Variants in DEPDC4 observed in about 807,000 individuals in gnomAD.
DEPDC4 encodes the protein DEP domain-containing protein 4.
DEPDC4 carries 52 observed loss-of-function variants against 52.0 expected under a neutral mutation model. The ratio of observed to expected loss-of-function variants is 1.00; its 90% CI spans 0.80 to 1.26. DEPDC4 has a LOEUF of 1.26. Among genes scored for constraint, DEPDC4 ranks in the 50% most tolerant of loss-of-function variants. The pLI is 0.00. For missense variants in DEPDC4, 530 were observed against 546.9 expected (o/e 0.97, Z 0.31); for synonymous variants, 201 against 196.8 (o/e 1.02, Z -0.18).
Position 100,263,778 on chromosome 12 carries a change from G to C in DEPDC4, c.273C>G (p.Phe91Leu), listed in dbSNP as rs771795502. Residue 91 changes from phenylalanine to leucine, a missense_variant, in exon 2 of 10, where the codon TTC (phenylalanine) becomes TTG (leucine). Phe to Leu is a conservative substitution (Grantham distance 22). Coordinates refer to ENST00000550587, the MANE Select transcript of DEPDC4 (RefSeq NM_001364818.2). ...CCACATCGACAGCATCAGAACCAGT[G>C]AAACAGTCTTTGTATGTCTGTAAAT... ...RHHLQTYKDCFTGSDAVDVVL... is the reference protein window; with the variant it reads ...RHHLQTYKDCLTGSDAVDVVL... 2 of 1,614,112 alleles carry C rather than the reference G, an allele frequency of 1.2e-6. No homozygotes were observed. The highest frequency in any genetic ancestry group is 1.7e-6 in the Non-Finnish European group (2 of 1,180,014).
chr12:100,255,905 A>G lies in DEPDC4; in HGVS notation c.878+144T>C, dbSNP rs2096230444. 5.1e-6 allele frequency: 3 copies of G among 589,430 alleles called. No individual in the cohort carries two copies. The Admixed American group carries it at 9.5e-5, about 19-fold the overall frequency. 36.5% of individuals were successfully genotyped at this position (589,430 alleles called of 1,614,324 possible). ...TCATGACCAATGGCTTTATTAGATC[A>G]AATGAGGATTCATAATGATAATTTA... On this transcript the variant is annotated intron_variant, in intron 4 of 9. Coordinates refer to ENST00000550587, the MANE Select transcript of DEPDC4 (RefSeq NM_001364818.2).
At chr12:100,278,493 G>A in the DEPDC4 span, among the ~76,000 whole-genome samples, 1 of 152,090 alleles carries the variant, frequency 6.6e-6, no homozygotes, top group Admixed American at 6.6e-5. Flanking sequence ...TTCTGAAGAT[G>A]TCTTTATTTC....
the DEPDC4 span, among the ~76,000 whole-genome samples, chr12:100,273,363 A>G: frequency 6.6e-6 from 1 of 152,104 alleles, no homozygotes; most frequent in African/African-American, 2.4e-5. Context: ...AACACTGTGC[A>G]TGTATATTCT....
chr12:100,265,295 A>G (rs182700675), intron 1 of DEPDC4, among the ~76,000 whole-genome samples: 2 of 151,868 alleles, frequency 1.3e-5, no homozygotes, highest in East Asian at 1.9e-4. Context: ...CCCTGTCTCA[A>G]TTAGAAACAA....
At position 100,267,044 on chromosome 12, in the gene DEPDC4, A is replaced by G; in HGVS notation, c.33T>C (p.Leu11=). Residue 11 remains leucine, a synonymous_variant, in exon 1 of 10, where the codon CTT becomes CTC. Transcript: ENST00000550587. ...ACCTCGGAGTCAAAAGAACCGCCAT[A>G]AGCTCGCGCGCTGGCTCCTCCCCTG... MVPGEEPARE[L]MAVLLTPRFR... 3 of 1,613,836 alleles carry G rather than the reference A, an allele frequency of 1.9e-6. No homozygotes were observed. Among genetic ancestry groups the G allele is most frequent in the East Asian group, 2.2e-5 (1 of 44,854 alleles).
downstream of DEPDC4, among the ~76,000 whole-genome samples, chr12:100,239,984 G>C (rs971200597): frequency 1.3e-5 from 2 of 151,782 alleles, no homozygotes; most frequent in African/African-American, 4.8e-5. Flanking sequence ...TGACTTCTTA[G>C]TTGAGAACTT....
In DEPDC4 at chr12:100,256,321, A is replaced by G. The variant is rs1435400800; in HGVS notation, c.701-95T>C. On this transcript the variant is annotated intron_variant, in intron 3 of 9. Coordinates refer to ENST00000550587, the MANE Select transcript of DEPDC4 (RefSeq NM_001364818.2). ...ATCGTTCTATTTCTAAATAATACAA[A>G]AGTAAAACTAGTTCAGTAGTAATAT... The G allele has an allele frequency of 4.7e-6, 4 of 852,440 alleles. No individual in the cohort carries two copies. The African/African-American group carries it at 5.1e-5, about 11-fold the overall frequency. 52.8% of individuals were successfully genotyped at this position (852,440 alleles called of 1,614,324 possible). A position where few individuals can be genotyped will look rare whatever the true frequency, so the allele number is the denominator to read the frequency against.
chr12:100,275,280 C>T, the DEPDC4 span, among the ~76,000 whole-genome samples: 12 of 152,112 alleles, frequency 7.9e-5, no homozygotes, highest in Middle Eastern at 3.4e-3. Flanking sequence ...CAGCTCACTG[C>T]GTCCTCAACC....
At chr12:100,235,203 C>T (rs1169793172), downstream of DEPDC4, among the ~76,000 whole-genome samples, 2 of 151,990 alleles carry the variant, frequency 1.3e-5, no homozygotes, top group Non-Finnish European at 2.9e-5. Flanking sequence ...TGCTTAACAA[C>T]TCTGACTTCT....
At chr12:100,250,370 C>T (rs1370738472) in intron 7 of DEPDC4, among the ~76,000 whole-genome samples, 1 of 152,124 alleles carries the variant, frequency 6.6e-6, no homozygotes, top group Non-Finnish European at 1.5e-5. Flanking sequence ...TGTCCACCAC[C>T]ATGCCTGGCT....
At chr12:100,244,095 GTATATATATATATATA>G (rs774444544) in intron 8 of DEPDC4, among the ~76,000 whole-genome samples, 14 of 51,624 alleles carry the variant, frequency 2.7e-4, no homozygotes, top group East Asian at 7.2e-4. Context: ...CTCTCTCTGT[GTATATATATATATATA>G]TATATATATA....
At chr12:100,267,246 G>A (rs1208451493), upstream of DEPDC4, 2 of 667,976 alleles carry the variant, frequency 3.0e-6, no homozygotes, top group Non-Finnish European at 4.8e-6. Flanking sequence ...TTCTAGCTCC[G>A]ACGTTTGCGG....
intron 3 of DEPDC4, among the ~76,000 whole-genome samples, chr12:100,257,973 A>G (rs930993909): frequency 2.3e-4 from 22 of 97,008 alleles, no homozygotes; most frequent in Non-Finnish European, 4.2e-4. Flanking sequence ...TCTAAAATGT[A>G]TTGATAGATA....
At chr12:100,241,872 A>G in intron 9 of DEPDC4, 27 bp from the exon 10 acceptor site, 2 of 1,190,074 alleles carry the variant, frequency 1.7e-6, no homozygotes, top group Non-Finnish European at 1.1e-6. Context: ...AAAACAAAAG[A>G]AAAAGAAAAG....
chr12:100,267,189 C>T (rs147743073), upstream of DEPDC4: 9,836 of 1,180,916 alleles, frequency 8.3e-3, 64 homozygotes, highest in Non-Finnish European at 0.011. Context: ...TCTTTTTCCC[C>T]CTCCCTTACT....
chr12:100,263,770 G>C lies in DEPDC4; in HGVS notation c.281C>G (p.Ser94Cys), dbSNP rs745619875. Reference sequence around the variant, plus strand: ...ACTTAAGACCACATCGACAGCATCAGAACCAGTGAAACAGTCTTTGTATGT... The same window carrying C: ...ACTTAAGACCACATCGACAGCATCACAACCAGTGAAACAGTCTTTGTATGT... ...LQTYKDCFTG[S>C]DAVDVVLSHL... Residue 94 changes from serine (S) to cysteine (C), a missense_variant, in exon 2 of 10, where the codon TCT becomes TGT. Physicochemically the swap from Ser to Cys is moderately radical, Grantham distance 112 (BLOSUM62 -1). Transcript: ENST00000550587. 1 of 1,614,128 alleles carries C rather than the reference G, an allele frequency of 6.2e-7. No individual in the cohort carries two copies. The highest frequency in any genetic ancestry group is 8.5e-7 in the Non-Finnish European group (1 of 1,180,012).
rs150339169 is a variant in DEPDC4, at chr12:100,247,237, C to T, written c.1453+1663G>A. 6.8e-3 allele frequency among the ~76,000 whole-genome samples: 740 copies of T among 109,242 alleles called. 7 individuals carry two copies. Among genetic ancestry groups the T allele is most frequent in the African/African-American group, 0.025 (707 of 27,772 alleles). The allele number at this position is 109,242 out of a possible 152,430, so 71.7% of individuals were successfully genotyped here. Reference sequence around the variant, plus strand: ...TTTTTTTTTTTTTTTGAGACAGAGTCGTGCTCTGTCACCCAGGCTGGAGTG... The same window carrying T: ...TTTTTTTTTTTTTTTGAGACAGAGTTGTGCTCTGTCACCCAGGCTGGAGTG... On this transcript the variant is annotated intron_variant, in intron 8 of 9. Coordinates refer to ENST00000550587, the MANE Select transcript of DEPDC4 (RefSeq NM_001364818.2).
At chr12:100,235,686 T>C (rs375495726), downstream of DEPDC4, among the ~76,000 whole-genome samples, 16 of 152,100 alleles carry the variant, frequency 1.1e-4, no homozygotes, top group African/African-American at 3.6e-4. Context: ...GCAATTGTCC[T>C]ATCTCAGCCT....
chr12:100,262,141 G>A, intron 3 of DEPDC4, 123 bp downstream of exon 3: 1 of 875,276 alleles, frequency 1.1e-6, no homozygotes, highest in Non-Finnish European at 1.7e-6. Context: ...GGAAGCAAGG[G>A]GTATGTGGGA....
Sources: allele counts gnomAD v4.1 joint callset (sites outside exome capture counted in the v4.1 genomes callset), GRCh38; gene constraint gnomAD v4.1.1; transcripts MANE v1.5; gene names NCBI Gene and HGNC (gene_info 2026-07-23, HGNC 2026-07-21).